TDRD1: variants seen among roughly 807,000 people sequenced by gnomAD.
TDRD1 encodes the protein tudor domain-containing protein 1.
Under a neutral mutation model 140.6 loss-of-function variants are expected in TDRD1, and 37 were observed. The ratio of observed to expected loss-of-function variants is 0.26; its 90% CI spans 0.20 to 0.35. The LOEUF (loss-of-function observed/expected upper bound fraction) is 0.35. Among genes scored for constraint, TDRD1 ranks in the 10% least tolerant of loss-of-function variants. The probability of loss-of-function intolerance (pLI) is 1.00; values close to 1 mark genes in which losing one functional copy is unlikely to be tolerated. For missense variants in TDRD1, 1,243 were observed against 1,393.0 expected (o/e 0.89, Z 1.71); for synonymous variants, 506 against 475.7 (o/e 1.06, Z -0.83).
At chr10:114,219,239 C>T (rs1274518376) in intron 18 of TDRD1, among the ~76,000 whole-genome samples, 2 of 152,216 alleles carry the variant, frequency 1.3e-5, no homozygotes, top group African/African-American at 2.4e-5. Flanking sequence ...CTGCTGCTTG[C>T]TGTCTATGAG....
chr10:114,215,226 A>C (rs2035739922), intron 16 of TDRD1, among the ~76,000 whole-genome samples: 1 of 152,070 alleles, frequency 6.6e-6, no homozygotes, highest in African/African-American at 2.4e-5. Context: ...ATAGTGTTCC[A>C]TTGTATGTTA....
upstream of TDRD1, among the ~76,000 whole-genome samples, chr10:114,178,594 G>A (rs2032779223): frequency 6.6e-6 from 1 of 152,146 alleles, no homozygotes; most frequent in South Asian, 2.1e-4. Flanking sequence ...CTTCTGGAGG[G>A]CTGAGATGTT....
intron 25 of TDRD1, among the ~76,000 whole-genome samples, chr10:114,231,306 ACTTAGCATATATTATGC>A (rs2036742014): frequency 6.6e-6 from 1 of 152,208 alleles, no homozygotes. Context: ...AAACAGCTGT[ACTTAGCATATATTATGC>A]TATGTTATGG....
intron 1 of TDRD1, among the ~76,000 whole-genome samples, chr10:114,182,394 A>G (rs1414474185): frequency 6.6e-6 from 1 of 152,242 alleles, no homozygotes; most frequent in Non-Finnish European, 1.5e-5. Context: ...TTCTCCAAAT[A>G]GGGTGGACCT....
chr10:114,231,510 C>T (rs147024448), exon 26 of TDRD1: 4 of 1,597,234 alleles, frequency 2.5e-6, no homozygotes, highest in Admixed American at 3.6e-5. Flanking sequence ...GGAGGTAAAC[C>T]CTTATGAGAC....
chr10:114,199,461 A>G (rs959493370), intron 4 of TDRD1, 144 bp downstream of exon 4: 5 of 1,021,736 alleles, frequency 4.9e-6, no homozygotes, highest in Non-Finnish European at 6.8e-6. Context: ...AGCTGTCAGC[A>G]TCCTGCTGTT....
At chr10:114,190,196 A>C (rs1056562644) in intron 2 of TDRD1, among the ~76,000 whole-genome samples, 3 of 152,192 alleles carry the variant, frequency 2.0e-5, no homozygotes, top group African/African-American at 7.2e-5. Flanking sequence ...AATGATATGC[A>C]AAAATGTGTA....
At chr10:114,220,743 T>C (rs570741655) in exon 19 of TDRD1, 1 of 1,609,100 alleles carries the variant, frequency 6.2e-7, no homozygotes, top group African/African-American at 1.3e-5. Context: ...TTCTGATTGA[T>C]GAACATCTGG....
At chr10:114,218,964 CATAA>C (rs965254864) in intron 18 of TDRD1, among the ~76,000 whole-genome samples, 8 of 152,228 alleles carry the variant, frequency 5.3e-5, no homozygotes, top group Non-Finnish European at 8.8e-5. Context: ...GGCAAAATAA[CATAA>C]ATAGTCAATA....
exon 19 of TDRD1, chr10:114,220,642 T>C: frequency 1.9e-6 from 3 of 1,613,682 alleles, no homozygotes; most frequent in South Asian, 1.1e-5. Flanking sequence ...TGGGATAAAA[T>C]TGCAAGCCAG....
At chr10:114,175,293 G>A (rs181973993), upstream of TDRD1, among the ~76,000 whole-genome samples, 191 of 152,016 alleles carry the variant, frequency 1.3e-3, 2 homozygotes, top group African/African-American at 4.4e-3. Context: ...TAATAACATA[G>A]GTATTACTAT....
intron 6 of TDRD1, among the ~76,000 whole-genome samples, chr10:114,202,735 T>TA (rs1482299353): frequency 6.6e-6 from 1 of 152,210 alleles, no homozygotes; most frequent in Non-Finnish European, 1.5e-5. Flanking sequence ...AGCCTCTACT[T>TA]AAAAAAATGT....
chr10:114,216,546 A>G (rs138564013), intron 16 of TDRD1, among the ~76,000 whole-genome samples: 7 of 152,274 alleles, frequency 4.6e-5, no homozygotes, highest in African/African-American at 1.7e-4. Flanking sequence ...GTGGATACAC[A>G]CTACTAAGTG....
chr10:114,186,510 C>G (rs1261910045), intron 1 of TDRD1, among the ~76,000 whole-genome samples: 2 of 152,174 alleles, frequency 1.3e-5, no homozygotes. Flanking sequence ...GTGATCCCGC[C>G]TGCCTCAGCC....
intron 3 of TDRD1, among the ~76,000 whole-genome samples, chr10:114,196,127 A>G (rs995977562): frequency 2.0e-5 from 3 of 152,216 alleles, no homozygotes; most frequent in Admixed American, 6.5e-5. Flanking sequence ...AACAAGAGAA[A>G]GTCTATTGTA....
rs1192798974 is a variant in TDRD1 at position 114,225,872 on chromosome 10, AATTCT to A, written c.3008-173_3008-169del. Among the ~76,000 whole-genome samples the A allele has an allele frequency of 1.6e-4, 24 of 152,268 alleles. No individual in the cohort carries two copies. In the East Asian group the frequency reaches 2.7e-3, roughly 17 times the overall value. On this transcript the variant is annotated intron_variant, in intron 21 of 25. Transcript: ENST00000251864. Reference sequence around the variant, plus strand: ...ACCCTGTCTCAAAAAAAAAAAAAAAAATTCTATTACATTTTTCATAGGAATGTAGA... The same window carrying A: ...ACCCTGTCTCAAAAAAAAAAAAAAAAATTACATTTTTCATAGGAATGTAGA...
At chr10:114,217,706 C>T (rs1303272996) in intron 17 of TDRD1, 51 bp downstream of exon 17, 1 of 972,744 alleles carries the variant, frequency 1.0e-6, no homozygotes, top group Non-Finnish European at 1.6e-6. Context: ...TATTTCTTAA[C>T]TTAACCTTAT....
intron 10 of TDRD1, 95 bp downstream of exon 10, chr10:114,204,988 A>C: frequency 1.8e-6 from 2 of 1,125,366 alleles, no homozygotes; most frequent in Non-Finnish European, 2.4e-6. Flanking sequence ...GGCCAGGTAA[A>C]CTGCCCTCTG....
chr10:114,181,403 A>C (rs12251656), intron 1 of TDRD1, among the ~76,000 whole-genome samples: 21,744 of 152,204 alleles, frequency 0.14, 1,638 homozygotes, highest in African/African-American at 0.17. Context: ...ATAATCTGTC[A>C]CATTTGTTTA....
Sources: allele counts gnomAD v4.1 joint callset (sites outside exome capture counted in the v4.1 genomes callset), GRCh38; gene constraint gnomAD v4.1.1; transcripts MANE v1.5; gene names NCBI Gene and HGNC (gene_info 2026-07-23, HGNC 2026-07-21).